MAD1L1: variants seen among roughly 807,000 people sequenced by gnomAD.
The protein encoded by MAD1L1 is mitotic spindle assembly checkpoint protein MAD1.
MAD1L1 carries 95 observed loss-of-function variants against 96.9 expected under a neutral mutation model. The ratio of observed to expected loss-of-function variants is 0.98; its 90% CI spans 0.83 to 1.16. MAD1L1 has a LOEUF of 1.16. Among genes scored for constraint, MAD1L1 ranks in the 50% most tolerant of loss-of-function variants. The pLI, the probability that MAD1L1 is intolerant of heterozygous loss-of-function variation, is 0.00. For synonymous variants in MAD1L1, 473 were observed against 396.6 expected (o/e 1.19, Z -2.29); for missense variants, 1,007 against 954.4 (o/e 1.06, Z -0.73).
rs547949618 is a variant in MAD1L1 at position 2,106,241 on chromosome 7, C to T, written c.1074-36903G>A. Among the ~76,000 whole-genome samples the T allele has an allele frequency of 7.9e-5, 12 of 152,270 alleles. No homozygotes were observed. In the South Asian group the frequency reaches 1.2e-3, roughly 16 times the overall value. On this transcript the variant is annotated intron_variant, in intron 11 of 18. Transcript: ENST00000265854. Reference sequence around the variant, plus strand: ...ACCCCTCCACTGCGTCGGTGCCTTGCGTGAAAGGTGCGAGCACGGCAGGCC... The same window carrying T: ...ACCCCTCCACTGCGTCGGTGCCTTGTGTGAAAGGTGCGAGCACGGCAGGCC...
chr7:2,172,210 T>C (rs1790739548), intron 10 of MAD1L1, among the ~76,000 whole-genome samples: 1 of 152,174 alleles, frequency 6.6e-6, no homozygotes, highest in African/African-American at 2.4e-5. Context: ...TCTGCCATTA[T>C]TCCTCACCAC....
intron 17 of MAD1L1, among the ~76,000 whole-genome samples, chr7:1,930,600 G>A (rs1174958207): frequency 5.0e-5 from 6 of 118,998 alleles, no homozygotes; most frequent in African/African-American, 2.0e-4. Flanking sequence ...CCACCCCACT[G>A]CCACGTGTCC....
chr7:2,217,814 T>C (rs970668349), intron 7 of MAD1L1, 148 bp downstream of exon 7: 11 of 677,352 alleles, frequency 1.6e-5, no homozygotes, highest in South Asian at 3.6e-5. Context: ...GCATCCCTGG[T>C]GCCCAGCACA....
chr7:2,186,765 T>C (rs1791477786), intron 10 of MAD1L1, among the ~76,000 whole-genome samples: 1 of 152,112 alleles, frequency 6.6e-6, no homozygotes, highest in Non-Finnish European at 1.5e-5. Context: ...CTAGGCAGTC[T>C]TGTAACATCA....
At chr7:1,923,783 G>A (rs1788939050) in intron 17 of MAD1L1, among the ~76,000 whole-genome samples, 2 of 152,372 alleles carry the variant, frequency 1.3e-5, no homozygotes, top group South Asian at 4.1e-4. Flanking sequence ...TCTGGAAGGT[G>A]CCCTCTAAGC....
At chr7:2,013,827 C>A (rs1782410218) in intron 13 of MAD1L1, among the ~76,000 whole-genome samples, 1 of 152,080 alleles carries the variant, frequency 6.6e-6, no homozygotes. Context: ...GACGTGGCCT[C>A]CGCCCAGGCC....
At chr7:2,104,496 C>T (rs978303679) in intron 11 of MAD1L1, among the ~76,000 whole-genome samples, 5 of 152,180 alleles carry the variant, frequency 3.3e-5, no homozygotes, top group African/African-American at 1.2e-4. Flanking sequence ...CCTGGACACT[C>T]GGAACACGCG....
intron 11 of MAD1L1, among the ~76,000 whole-genome samples, chr7:2,078,720 C>A (rs1785495830): frequency 6.6e-6 from 1 of 152,244 alleles, no homozygotes; most frequent in African/African-American, 2.4e-5. Context: ...AGGAAAGCAG[C>A]AGCGCCACCC....
intron 18 of MAD1L1, chr7:1,854,320 G>T: frequency 2.2e-6 from 1 of 460,026 alleles, no homozygotes. Flanking sequence ...GACGTCCTGG[G>T]CCCCGGCAGC....
chr7:2,026,193 A>G (rs12699596), intron 12 of MAD1L1, among the ~76,000 whole-genome samples: 40,736 of 152,150 alleles, frequency 0.27, 6,377 homozygotes, highest in Middle Eastern at 0.38. Flanking sequence ...CCCAGAAAGG[A>G]GATTTAAAAA....
intron 15 of MAD1L1, among the ~76,000 whole-genome samples, chr7:1,964,730 C>A (rs1046876798): frequency 2.0e-5 from 3 of 152,182 alleles, no homozygotes; most frequent in Non-Finnish European, 4.4e-5. Flanking sequence ...CGAGCGTGTG[C>A]GTGGAAAGCA....
Position 2,149,145 on chromosome 7 carries a change from G to C in MAD1L1, c.1073+7C>G. On this transcript the variant is annotated splice_region_variant and intron_variant, in intron 11 of 18. Coordinates refer to ENST00000265854, the MANE Select transcript of MAD1L1 (RefSeq NM_001013836.2). ...TCCCCACAAGCACCCTGGGCGGCCA[G>C]GTCTACCTGCTGGTGACGGCGCTGT... The C allele has an allele frequency of 6.2e-7, 1 of 1,613,922 alleles. No individual in the cohort carries two copies. Among genetic ancestry groups the C allele is most frequent in the Middle Eastern group, 1.7e-4 (1 of 6,026 alleles).
chr7:2,144,274 T>C lies in MAD1L1; in HGVS notation c.1073+4878A>G, dbSNP rs141289470. Among the ~76,000 whole-genome samples the C allele has an allele frequency of 2.3e-3, 347 of 152,336 alleles. 2 individuals are homozygous for C. Among genetic ancestry groups the C allele is most frequent in the African/African-American group, 7.9e-3 (329 of 41,586 alleles). ...TGCGCATGAAGCACAGCGCAGCGCA[T>C]GGTGAGGGCAGATGCGAGACAAACA... On this transcript the variant is annotated intron_variant, in intron 11 of 18. Coordinates refer to ENST00000265854, the MANE Select transcript of MAD1L1 (RefSeq NM_001013836.2).
intron 17 of MAD1L1, among the ~76,000 whole-genome samples, chr7:1,930,984 C>A (rs1583826107): frequency 6.6e-6 from 1 of 152,238 alleles, no homozygotes; most frequent in African/African-American, 2.4e-5. Flanking sequence ...GTGCAGGCAG[C>A]CTACCCACGG....
chr7:1,951,565 C>T (rs1277929370), intron 16 of MAD1L1, among the ~76,000 whole-genome samples: 3 of 152,192 alleles, frequency 2.0e-5, no homozygotes, highest in Non-Finnish European at 4.4e-5. Context: ...AGGCTAAAGC[C>T]CACATCCATC....
chr7:1,987,726 G>A (rs965025974), intron 14 of MAD1L1, among the ~76,000 whole-genome samples: 5 of 152,218 alleles, frequency 3.3e-5, no homozygotes, highest in South Asian at 4.1e-4. Context: ...CTGCGGGCTC[G>A]GCAGCCGAGA....
intron 12 of MAD1L1, among the ~76,000 whole-genome samples, chr7:2,033,085 G>A (rs950354286): frequency 3.3e-5 from 5 of 152,242 alleles, no homozygotes; most frequent in African/African-American, 4.8e-5. Flanking sequence ...ATAAACAGAC[G>A]CAGAACTCCG....
At chr7:2,187,275 G>T (rs1791506655) in intron 10 of MAD1L1, among the ~76,000 whole-genome samples, 1 of 151,998 alleles carries the variant, frequency 6.6e-6, no homozygotes, top group South Asian at 2.1e-4. Flanking sequence ...CTTGAATCCA[G>T]AAGGTTGAGG....
intron 18 of MAD1L1, among the ~76,000 whole-genome samples, chr7:1,894,287 A>G (rs796391454): frequency 1.3e-5 from 2 of 152,308 alleles, no homozygotes; most frequent in African/African-American, 4.8e-5. Flanking sequence ...GGCAGCTCGG[A>G]GGAGGACTTG....
Sources: gnomAD v4.1 joint callset for allele counts (sites outside exome capture counted in the v4.1 genomes callset) on GRCh38, gnomAD v4.1.1 for gene constraint, MANE v1.5 for transcripts, NCBI Gene and HGNC (gene_info 2026-07-23, HGNC 2026-07-21) for gene names.